The following SSH2 variants were observed in gnomAD, a reference collection of about 807,000 sequenced individuals.
The protein encoded by SSH2 is slingshot protein phosphatase 2, also known as protein phosphatase Slingshot homolog 2.
SSH2 carries 37 observed loss-of-function variants against 135.2 expected under a neutral mutation model. That is an observed-to-expected ratio of 0.27 (90% CI 0.21 to 0.36). The LOEUF (loss-of-function observed/expected upper bound fraction) is 0.36. Among genes scored for constraint, SSH2 ranks in the 10% least tolerant of loss-of-function variants. The probability of loss-of-function intolerance (pLI) is 1.00; values close to 1 mark genes in which losing one functional copy is unlikely to be tolerated. For missense variants in SSH2, 1,408 were observed against 1,765.3 expected (o/e 0.80, Z 3.63); for synonymous variants, 628 against 646.2 (o/e 0.97, Z 0.43).
At chr17:29,633,154 T>C (rs770400295) in intron 15 of SSH2, among the ~76,000 whole-genome samples, 5 of 152,182 alleles carry the variant, frequency 3.3e-5, no homozygotes, top group African/African-American at 4.8e-5. Context: ...CTTGTGTTAC[T>C]CTCTACTAAA....
intron 11 of SSH2, among the ~76,000 whole-genome samples, chr17:29,660,388 T>A (rs1174607174): frequency 1.3e-5 from 2 of 151,608 alleles, no homozygotes; most frequent in Non-Finnish European, 2.9e-5. Flanking sequence ...TGCCTCAGCC[T>A]CCCGAGTAGC....
chr17:29,745,176 T>C (rs2040718113), intron 3 of SSH2, among the ~76,000 whole-genome samples: 1 of 151,954 alleles, frequency 6.6e-6, no homozygotes, highest in South Asian at 2.1e-4. Flanking sequence ...TTTTTTTTTT[T>C]TGAAACAGAG....
intron 14 of SSH2, among the ~76,000 whole-genome samples, chr17:29,644,312 G>A (rs922663994): frequency 2.6e-5 from 4 of 152,128 alleles, no homozygotes; most frequent in Non-Finnish European, 5.9e-5. Context: ...CTCAGCACGG[G>A]GCTACCTCAG....
intron 2 of SSH2, among the ~76,000 whole-genome samples, chr17:29,835,470 C>G (rs764811586): frequency 6.6e-6 from 1 of 152,232 alleles, no homozygotes; most frequent in Non-Finnish European, 1.5e-5. Flanking sequence ...TTTCCAGATA[C>G]CTTAAGGATC....
intron 1 of SSH2, among the ~76,000 whole-genome samples, chr17:29,921,729 G>T (rs998227355): frequency 6.6e-6 from 1 of 151,924 alleles, no homozygotes; most frequent in Non-Finnish European, 1.5e-5. Flanking sequence ...ATCCACCACC[G>T]CATCTGGCTA....
chr17:29,659,835 T>TTA (rs1376221802), intron 11 of SSH2, among the ~76,000 whole-genome samples: 3 of 135,828 alleles, frequency 2.2e-5, no homozygotes, highest in African/African-American at 8.3e-5. Context: ...GCCAGACATT[T>TTA]TATATATATT....
rs191966679 is a variant in SSH2 at position 29,675,517 on chromosome 17, G to T, written c.614+1303C>A. 5.9e-5 allele frequency among the ~76,000 whole-genome samples: 9 copies of T among 152,260 alleles called. No homozygotes were observed. The East Asian group carries it at 1.7e-3, about 29-fold the overall frequency. On this transcript the variant is annotated intron_variant, in intron 8 of 15. Coordinates refer to ENST00000540801, the MANE Select transcript of SSH2 (RefSeq NM_001282129.2). ...TCTAAAATAAGAGAATAAGAGGCCA[G>T]GTGCAGTGGCTCACACCTGCAATCT... is the stretch of plus-strand genomic sequence containing the variant.
chr17:29,654,338 AC>A (rs1241601682), intron 12 of SSH2, among the ~76,000 whole-genome samples: 1 of 152,074 alleles, frequency 6.6e-6, no homozygotes, highest in Non-Finnish European at 1.5e-5. Flanking sequence ...AAATTAAGCA[AC>A]CAGATTCCCC....
intron 3 of SSH2, among the ~76,000 whole-genome samples, chr17:29,735,894 C>G (rs1251507850): frequency 1.3e-5 from 2 of 151,400 alleles, no homozygotes; most frequent in African/African-American, 4.9e-5. Context: ...CTCAGAAGTT[C>G]GAGACCAGCT....
intron 3 of SSH2, among the ~76,000 whole-genome samples, chr17:29,737,971 G>A (rs1355272390): frequency 2.0e-5 from 3 of 151,610 alleles, no homozygotes; most frequent in South Asian, 4.2e-4. Flanking sequence ...TAGGGTACAT[G>A]CGCACAACGT....
intron 2 of SSH2, among the ~76,000 whole-genome samples, chr17:29,835,853 G>A (rs2042933746): frequency 6.6e-6 from 1 of 151,276 alleles, no homozygotes; most frequent in African/African-American, 2.4e-5. Context: ...GGTGGTGGGC[G>A]ACTGTAGTCA....
intron 14 of SSH2, among the ~76,000 whole-genome samples, chr17:29,646,086 C>T (rs1490192930): frequency 6.6e-6 from 1 of 152,118 alleles, no homozygotes; most frequent in South Asian, 2.1e-4. Flanking sequence ...CTAGAATATA[C>T]CTACATGGAA....
chr17:29,630,750 A>G lies in SSH2; in HGVS notation c.*91T>C. 1 of 1,377,446 alleles carries G rather than the reference A, an allele frequency of 7.3e-7. No individual in the cohort carries two copies. The highest frequency in any genetic ancestry group is 9.8e-7 in the Non-Finnish European group (1 of 1,016,896). 85.3% of individuals were successfully genotyped at this position (1,377,446 alleles called of 1,614,324 possible). A position where few individuals can be genotyped will look rare whatever the true frequency, so the allele number is the denominator to read the frequency against. On this transcript the variant is annotated 3_prime_UTR_variant, in exon 16 of 16. Transcript: ENST00000540801. Reference sequence around the variant, plus strand: ...ACAGTAAAATGACCAAAATATTATAAAATTAACCAATAAAGTGCATGTTCC... The same window carrying G: ...ACAGTAAAATGACCAAAATATTATAGAATTAACCAATAAAGTGCATGTTCC...
At chr17:29,849,855 A>ATT (rs2065519432) in intron 1 of SSH2, among the ~76,000 whole-genome samples, 1 of 97,098 alleles carries the variant, frequency 1.0e-5, no homozygotes, top group East Asian at 3.1e-4. Context: ...AAAAAAAAAA[A>ATT]GTATATATAT....
At chr17:29,814,645 C>T (rs148415020) in intron 2 of SSH2, among the ~76,000 whole-genome samples, 1 of 151,924 alleles carries the variant, frequency 6.6e-6, no homozygotes, top group East Asian at 1.9e-4. Context: ...AACTGTAAGC[C>T]ACTTTAATGT....
At chr17:29,655,636 A>C (rs374010618) in intron 11 of SSH2, 29 bp from the exon 12 acceptor site, 2 of 1,604,800 alleles carry the variant, frequency 1.2e-6, no homozygotes, top group Non-Finnish European at 1.7e-6. Flanking sequence ...AAGGTTAAGG[A>C]GTATTAGCAA....
At chr17:29,920,844 ATGTC>A (rs2066964688) in intron 1 of SSH2, among the ~76,000 whole-genome samples, 1 of 152,148 alleles carries the variant, frequency 6.6e-6, no homozygotes, top group Admixed American at 6.5e-5. Context: ...AATTTTGTAA[ATGTC>A]TGTATATACA....
chr17:29,724,527 T>TAAAA (rs2039925991), intron 3 of SSH2, among the ~76,000 whole-genome samples: 2 of 14,852 alleles, frequency 1.3e-4, no homozygotes, highest in African/African-American at 3.4e-4. Context: ...AAACTCTGTC[T>TAAAA]CAAAAAAAAA....
chr17:29,675,530 A>T (rs1029216725), intron 8 of SSH2, among the ~76,000 whole-genome samples: 1 of 152,128 alleles, frequency 6.6e-6, no homozygotes, highest in Non-Finnish European at 1.5e-5. Flanking sequence ...GCAGTGGCTC[A>T]CACCTGCAAT....
Sources: gnomAD v4.1 joint callset for allele counts (sites outside exome capture counted in the v4.1 genomes callset) on GRCh38, gnomAD v4.1.1 for gene constraint, MANE v1.5 for transcripts, NCBI Gene and HGNC (gene_info 2026-07-23, HGNC 2026-07-21) for gene names.